LRRIQ1: variants seen among roughly 807,000 people sequenced by gnomAD.
LRRIQ1 encodes the protein leucine rich repeats and IQ motif containing 1.
In LRRIQ1, 210 loss-of-function variants were observed where a neutral mutation model predicts 211.9. The observed-to-expected ratio is 0.99, with a 90% CI of 0.89 to 1.11. LRRIQ1 has a LOEUF of 1.11. LRRIQ1 is among the 50% of genes most tolerant of loss of function. LRRIQ1 has a pLI of 0.00. For missense variants in LRRIQ1, 2,136 were observed against 1,939.5 expected, an observed-to-expected ratio of 1.10 and a Z score of -1.90; for synonymous variants, 699 against 650.1, an observed-to-expected ratio of 1.08 and a Z score of -1.14.
At chr12:85,148,805 G>A (rs1565869370) in intron 19 of LRRIQ1, among the ~76,000 whole-genome samples, 1 of 151,906 alleles carries the variant, frequency 6.6e-6, no homozygotes, top group East Asian at 1.9e-4. Flanking sequence ...AGCCTCACCA[G>A]CGTCTGTTGT....
chr12:85,131,128 T>C (rs1189022369), intron 18 of LRRIQ1, among the ~76,000 whole-genome samples: 1 of 151,542 alleles, frequency 6.6e-6, no homozygotes, highest in Non-Finnish European at 1.5e-5. Flanking sequence ...TGAGAATCTC[T>C]TGAACCCAGA....
chr12:85,198,144 TTATATTATGTATTATATGTTATATTTA>T (rs1893090097), intron 24 of LRRIQ1, among the ~76,000 whole-genome samples: 1 of 121,364 alleles, frequency 8.2e-6, no homozygotes, highest in African/African-American at 3.4e-5. Flanking sequence ...ATATAATATA[TTATATTATGTATTATATGTTATATTTA>T]TATTTATATA....
At chr12:85,240,272 C>T (rs80287440) in intron 26 of LRRIQ1, among the ~76,000 whole-genome samples, 2 of 152,010 alleles carry the variant, frequency 1.3e-5, no homozygotes, top group African/African-American at 4.8e-5. Flanking sequence ...CCACTCTACC[C>T]CATTAAAGTG....
chr12:85,247,926 A>G (rs1041888595), downstream of LRRIQ1, among the ~76,000 whole-genome samples: 1 of 151,688 alleles, frequency 6.6e-6, no homozygotes, highest in Non-Finnish European at 1.5e-5. Context: ...AAGAGGCCAA[A>G]GCAGTCTTCT....
intron 24 of LRRIQ1, among the ~76,000 whole-genome samples, chr12:85,192,340 T>C (rs1892558591): frequency 6.9e-6 from 1 of 145,470 alleles, no homozygotes; most frequent in African/African-American, 2.5e-5. Context: ...CATGATCTCA[T>C]TCTTTTTTTA....
intron 11 of LRRIQ1, among the ~76,000 whole-genome samples, chr12:85,082,571 G>A (rs1231720011): frequency 1.3e-5 from 2 of 152,120 alleles, no homozygotes; most frequent in East Asian, 1.9e-4. Context: ...CATGTTGCCT[G>A]TATTCTATAT....
At chr12:85,200,168 G>T (rs984789085) in intron 24 of LRRIQ1, among the ~76,000 whole-genome samples, 1 of 152,040 alleles carries the variant, frequency 6.6e-6, no homozygotes, top group Admixed American at 6.6e-5. Flanking sequence ...AATTATTGTT[G>T]TAGAGATCTT....
At chr12:85,234,597 G>A (rs1895090630) in intron 26 of LRRIQ1, among the ~76,000 whole-genome samples, 1 of 152,000 alleles carries the variant, frequency 6.6e-6, no homozygotes, top group East Asian at 1.9e-4. Flanking sequence ...GAAGAGTATT[G>A]GAGAATGAAA....
intron 24 of LRRIQ1, among the ~76,000 whole-genome samples, chr12:85,207,869 A>G (rs1480457127): frequency 6.6e-6 from 1 of 152,060 alleles, no homozygotes; most frequent in Non-Finnish European, 1.5e-5. Flanking sequence ...TGACTTGTCT[A>G]TTATGTTCCA....
chr12:85,266,759 A>C (rs1056614444), downstream of LRRIQ1, among the ~76,000 whole-genome samples: 4 of 152,174 alleles, frequency 2.6e-5, no homozygotes, highest in African/African-American at 9.6e-5. Context: ...GGGAGGTTAG[A>C]GTGAGTGAGA....
chr12:85,218,746 A>G (rs1043859191), intron 24 of LRRIQ1, among the ~76,000 whole-genome samples: 1 of 152,074 alleles, frequency 6.6e-6, no homozygotes, highest in African/African-American at 2.4e-5. Flanking sequence ...TTCCATGGCT[A>G]CTGGGTAGTT....
At chr12:85,102,952 A>AC (rs1189372359) in intron 13 of LRRIQ1, among the ~76,000 whole-genome samples, 1 of 119,592 alleles carries the variant, frequency 8.4e-6, no homozygotes, top group African/African-American at 3.3e-5. Flanking sequence ...GGCAAAAAAA[A>AC]AAAAAAAATA....
chr12:85,103,832 G>A (rs952541207), intron 13 of LRRIQ1, among the ~76,000 whole-genome samples, 172 bp from the exon 14 acceptor site: 1 of 151,360 alleles, frequency 6.6e-6, no homozygotes, highest in African/African-American at 2.4e-5. Flanking sequence ...AAAAAGCACT[G>A]TTAGCAAGTG....
chr12:85,159,096 T>G (rs1165222599), intron 23 of LRRIQ1, among the ~76,000 whole-genome samples: 1 of 152,052 alleles, frequency 6.6e-6, no homozygotes, highest in East Asian at 1.9e-4. Context: ...GTAGCACTAT[T>G]GCTCTTGGAG....
chr12:85,250,904 A>T (rs1460853001), intron 1 of LRRIQ1, among the ~76,000 whole-genome samples: 11 of 88,988 alleles, frequency 1.2e-4, no homozygotes, highest in Non-Finnish European at 1.2e-4. Flanking sequence ...TTTATATATT[A>T]TATATAATAT....
At chr12:85,113,794 A>T (rs1358354073) in intron 15 of LRRIQ1, among the ~76,000 whole-genome samples, 8 of 152,132 alleles carry the variant, frequency 5.3e-5, no homozygotes, top group Admixed American at 1.3e-4. Context: ...AGTATTTATC[A>T]CATTCCCCAG....
At chr12:85,229,412 A>AT (rs1001268447) in intron 24 of LRRIQ1, 105 bp from the exon 25 acceptor site, 1,485 of 847,474 alleles carry the variant, frequency 1.8e-3, no homozygotes, top group Middle Eastern at 2.1e-3. Context: ...ATAAGTTAGT[A>AT]TTTTTTTTTC....
chr12:85,219,602 C>G (rs147383018), intron 24 of LRRIQ1, among the ~76,000 whole-genome samples: 1 of 151,674 alleles, frequency 6.6e-6, no homozygotes, highest in Admixed American at 6.6e-5. Flanking sequence ...TTTTTTCCCT[C>G]TCTGCCATAA....
At chr12:85,230,855 C>T (rs1298360807) in intron 25 of LRRIQ1, among the ~76,000 whole-genome samples, 1 of 151,330 alleles carries the variant, frequency 6.6e-6, no homozygotes, top group Non-Finnish European at 1.5e-5. Context: ...CGAAACCATC[C>T]TGGCTAACAC....
Sources: allele counts gnomAD v4.1 joint callset (sites outside exome capture counted in the v4.1 genomes callset), GRCh38; gene constraint gnomAD v4.1.1; transcripts MANE v1.5; gene names NCBI Gene and HGNC (gene_info 2026-07-23, HGNC 2026-07-21).